OR4C11: variants seen among roughly 807,000 people sequenced by gnomAD.
OR4C11 encodes the protein olfactory receptor family 4 subfamily C member 11.
A neutral mutation model predicts 14.7 loss-of-function variants in OR4C11; 15 were observed. The ratio of observed to expected loss-of-function variants is 1.02; its 90% CI spans 0.68 to 1.58. OR4C11 has a LOEUF of 1.58. OR4C11 is among the 40% of genes most tolerant of loss of function. The pLI, the probability that OR4C11 is intolerant of heterozygous loss-of-function variation, is 0.00. For missense variants in OR4C11, 473 were observed against 383.0 expected (o/e 1.24, Z -1.96); for synonymous variants, 146 against 135.0 (o/e 1.08, Z -0.57).
In OR4C11 at chr11:55,602,653, G is replaced by A. The variant is rs1857898265; in HGVS notation, c.*788C>T. 7.2e-6 allele frequency: 1 copy of A among 138,378 alleles called. No individual in the cohort carries two copies. Among genetic ancestry groups the A allele is most frequent in the Non-Finnish European group, 1.6e-5 (1 of 62,170 alleles). 8.6% of individuals were successfully genotyped at this position (138,378 alleles called of 1,614,324 possible). On this transcript the variant is annotated 3_prime_UTR_variant, in exon 4 of 4. Transcript: ENST00000641580. ...CTGTGATAATTTTATTTATTTCATT[G>A]ACATCACCCAACTTTAAACACAATA...
Position 55,604,124 on chromosome 11 carries a change from G to A in OR4C11, c.250C>T (p.Leu84Phe), listed in dbSNP as rs570575344. Residue 84 changes from leucine to phenylalanine, a missense_variant, in exon 4 of 4, where the codon CTC becomes TTC. Leu to Phe is a conservative substitution (Grantham distance 22). Coordinates refer to ENST00000641580, the MANE Select transcript of OR4C11 (RefSeq NM_001004700.3). ...TAGGTTATAATTTTCTTTTCAGAGA[G>A]AGCATCCACAATTAATCTAGGGGCT... is the stretch of plus-strand genomic sequence containing the variant. Reference protein sequence around the residue: ...STAPRLIVDALSEKKIITYNE... With the variant: ...STAPRLIVDAFSEKKIITYNE... 5 of 1,474,938 alleles carry A rather than the reference G, an allele frequency of 3.4e-6. 1 individual carries two copies. Among genetic ancestry groups the A allele is most frequent in the African/African-American group, 2.8e-5 (2 of 72,704 alleles). 91.4% of individuals were successfully genotyped at this position (1,474,938 alleles called of 1,614,324 possible). A position where few individuals can be genotyped will look rare whatever the true frequency, so the allele number is the denominator to read the frequency against.
rs918067378 is a variant in OR4C11 at position 55,603,333 on chromosome 11, C to T, written c.*108G>A. 4.2e-5 allele frequency: 24 copies of T among 574,962 alleles called. 6 individuals carry two copies. The highest frequency in any genetic ancestry group is 7.9e-5 in the Admixed American group (2 of 25,280). 35.6% of individuals were successfully genotyped at this position (574,962 alleles called of 1,614,324 possible). A position where few individuals can be genotyped will look rare whatever the true frequency, so the allele number is the denominator to read the frequency against. Reference sequence around the variant, plus strand: ...ACATAGGAACCCACAAACTTAGATACGATGATATATTATTCCCACAGCATT... The same window carrying T: ...ACATAGGAACCCACAAACTTAGATATGATGATATATTATTCCCACAGCATT... On this transcript the variant is annotated 3_prime_UTR_variant, in exon 4 of 4. Coordinates refer to ENST00000641580, the MANE Select transcript of OR4C11 (RefSeq NM_001004700.3).
chr11:55,603,189 G>A lies in OR4C11; in HGVS notation c.*252C>T. 3.2e-6 allele frequency: 1 copy of A among 309,172 alleles called. No homozygotes were observed. Among genetic ancestry groups the A allele is most frequent in the Non-Finnish European group, 5.8e-6 (1 of 172,014 alleles). The allele number at this position is 309,172 out of a possible 1,614,324, so 19.2% of individuals were successfully genotyped here. A position where few individuals can be genotyped will look rare whatever the true frequency, so the allele number is the denominator to read the frequency against. On this transcript the variant is annotated 3_prime_UTR_variant, in exon 4 of 4. Coordinates refer to ENST00000641580, the MANE Select transcript of OR4C11 (RefSeq NM_001004700.3). ...ACTTTAGAAAATGCATGGCTGGAAA[G>A]GAAGATAATCTGAAAAGAAAAGACT... is the stretch of plus-strand genomic sequence containing the variant.
rs147652096 is a variant in OR4C11 at position 55,604,521 on chromosome 11, AT to A, written c.-44-105del. The A allele has an allele frequency of 8.2e-3, 3,298 of 400,668 alleles. 404 individuals carry two copies. Among genetic ancestry groups the A allele is most frequent in the African/African-American group, 0.058 (2,828 of 48,374 alleles). The allele number at this position is 400,668 out of a possible 1,614,324, so 24.8% of individuals were successfully genotyped here. On this transcript the variant is annotated intron_variant, in intron 3 of 3. Coordinates refer to ENST00000641580, the MANE Select transcript of OR4C11 (RefSeq NM_001004700.3). The stretch of plus-strand genomic sequence containing the variant: ...TGGCTTATTATTGACAATTCTTTGT[AT>A]TTTTTTCTGAGTGAAATGGAATTCA...
rs76958090 is a variant in OR4C11 at position 55,603,665 on chromosome 11, C to T, written c.709G>A (p.Ala237Thr). Residue 237 changes from alanine to threonine, a missense_variant, in exon 4 of 4, where the codon GCT becomes ACT. Coordinates refer to ENST00000641580, the MANE Select transcript of OR4C11 (RefSeq NM_001004700.3). ...SAKGKKKALSACTSHIIVVIL... is the reference protein window; with the variant it reads ...SAKGKKKALSTCTSHIIVVIL... ...ACTACAATTATGTGAGACGTGCAAGCGGAGAGAGCCTTTTTCTTCCCTTTG... is the reference window on the plus strand; with the variant it reads ...ACTACAATTATGTGAGACGTGCAAGTGGAGAGAGCCTTTTTCTTCCCTTTG... 4.6e-4 allele frequency: 685 copies of T among 1,478,920 alleles called. 79 individuals carry two copies. In the African/African-American group the frequency reaches 7.8e-3, roughly 17 times the overall value. 91.6% of individuals were successfully genotyped at this position (1,478,920 alleles called of 1,614,324 possible).
chr11:55,603,624 G>A lies in OR4C11; in HGVS notation c.750C>T (p.Gly250=), dbSNP rs1355144819. 2.0e-6 allele frequency: 3 copies of A among 1,486,164 alleles called. No individual in the cohort carries two copies. The highest frequency in any genetic ancestry group is 2.0e-5 in the Admixed American group (1 of 49,824). The allele number at this position is 1,486,164 out of a possible 1,614,324, so 92.1% of individuals were successfully genotyped here. A position where few individuals can be genotyped will look rare whatever the true frequency, so the allele number is the denominator to read the frequency against. The change falls in exon 4 of 4, where the codon GGC becomes GGT. Residue 250 remains glycine (G), a synonymous_variant. Coordinates refer to ENST00000641580, the MANE Select transcript of OR4C11 (RefSeq NM_001004700.3). ...SHIIVVILFF[G]PCIFIYTRPP... is the part of the protein sequence containing the mutation. Reference sequence around the variant, plus strand: ...GGCGTGTATATATGAATATACATGGGCCAAAGAATAAGATGACTACAATTA... The same window carrying A: ...GGCGTGTATATATGAATATACATGGACCAAAGAATAAGATGACTACAATTA...
At chr11:55,606,821 A>T (rs944986004) in intron 1 of OR4C11, 142 bp from the exon 2 acceptor site, 3 of 138,802 alleles carry the variant, frequency 2.2e-5, no homozygotes, top group African/African-American at 7.5e-5. Flanking sequence ...AAAGACACAC[A>T]CACATGCATG....
At position 55,602,667 on chromosome 11, in the gene OR4C11, T is replaced by A. The variant is rs1344367214; in HGVS notation, c.*774A>T. 1 of 138,672 alleles carries A rather than the reference T, an allele frequency of 7.2e-6. No homozygotes were observed. Among genetic ancestry groups the A allele is most frequent in the Non-Finnish European group, 1.6e-5 (1 of 62,224 alleles). The allele number at this position is 138,672 out of a possible 1,614,324, so 8.6% of individuals were successfully genotyped here. On this transcript the variant is annotated 3_prime_UTR_variant, in exon 4 of 4. Coordinates refer to ENST00000641580, the MANE Select transcript of OR4C11 (RefSeq NM_001004700.3). ...TTTATTTCATTGACATCACCCAACTTTAAACACAATAGATCATACCATTTT... is the reference window on the plus strand; with the variant it reads ...TTTATTTCATTGACATCACCCAACTATAAACACAATAGATCATACCATTTT...
In OR4C11 at chr11:55,604,187, A is replaced by G. The variant is rs1358576176; in HGVS notation, c.187T>C (p.Tyr63His). ...AAGCAAGAATCTGCAAAGGACAAAT[A>G]AAATAGAAAGAAGTACATGGGGCTT... ...LGSPMYFFLF[Y>H]LSFADSCFST... Residue 63 changes from tyrosine to histidine, a missense_variant, in exon 4 of 4, where the codon TAT (tyrosine) becomes CAT (histidine). Coordinates refer to ENST00000641580, the MANE Select transcript of OR4C11 (RefSeq NM_001004700.3). The G allele has an allele frequency of 6.8e-7, 1 of 1,479,072 alleles. No homozygotes were observed. 91.6% of individuals were successfully genotyped at this position (1,479,072 alleles called of 1,614,324 possible).
Position 55,605,287 on chromosome 11 carries a change from G to A in OR4C11, c.-206C>T, listed in dbSNP as rs1167089867. On this transcript the variant is annotated splice_region_variant and 5_prime_UTR_variant, in exon 3 of 4. Transcript: ENST00000641580. ...TCTTAAGAGACAAGTAGACACTGAG[G>A]CTAAAATGAGGAAAAAAGTGGAAGA... The A allele has an allele frequency of 7.3e-6, 1 of 137,734 alleles. No individual in the cohort carries two copies. Among genetic ancestry groups the A allele is most frequent in the African/African-American group, 2.5e-5 (1 of 39,736 alleles). The allele number at this position is 137,734 out of a possible 1,614,324, so 8.5% of individuals were successfully genotyped here. A position where few individuals can be genotyped will look rare whatever the true frequency, so the allele number is the denominator to read the frequency against.
intron 2 of OR4C11, among the ~76,000 whole-genome samples, chr11:55,606,224 A>T (rs1186349049): frequency 7.2e-6 from 1 of 138,006 alleles, no homozygotes; most frequent in Non-Finnish European, 1.6e-5. Flanking sequence ...ACACACACAC[A>T]CACAAAATTG....
intron 2 of OR4C11, among the ~76,000 whole-genome samples, chr11:55,605,602 G>A (rs1467065103): frequency 7.2e-6 from 1 of 138,318 alleles, no homozygotes; most frequent in Admixed American, 7.9e-5. Flanking sequence ...AAAGGGAAGT[G>A]TCAATATGAT....
In OR4C11 at chr11:55,603,766, G is replaced by T. The variant is rs768210066; in HGVS notation, c.608C>A (p.Ala203Glu). The T allele has an allele frequency of 2.0e-6, 3 of 1,489,012 alleles. 1 individual carries two copies. Among genetic ancestry groups the T allele is most frequent in the Admixed American group, 4.0e-5 (2 of 49,884 alleles). 92.2% of individuals were successfully genotyped at this position (1,489,012 alleles called of 1,614,324 possible). ...AATCATGAAACTACTTGAGCAAATT[G>T]CCCCACTGTTAGACACCAACAGCAG... ...INLLLVSNSG[A>E]ICSSSFMILI... Residue 203 changes from alanine (A) to glutamate (E), a missense_variant, in exon 4 of 4, where the codon GCA becomes GAA. Transcript: ENST00000641580.
In OR4C11 at chr11:55,607,356, T is replaced by C. The variant is rs1454691931; in HGVS notation, c.-434A>G. On this transcript the variant is annotated 5_prime_UTR_variant, in exon 1 of 4. Coordinates refer to ENST00000641580, the MANE Select transcript of OR4C11 (RefSeq NM_001004700.3). ...ATTTCCATCTTTTCACTTTAGATTGTAAAGCACTTCTAGAAAAGTCCTTGA... is the reference window on the plus strand; with the variant it reads ...ATTTCCATCTTTTCACTTTAGATTGCAAAGCACTTCTAGAAAAGTCCTTGA... 1.4e-5 allele frequency: 2 copies of C among 138,144 alleles called. No individual in the cohort carries two copies. Among genetic ancestry groups the C allele is most frequent in the Non-Finnish European group, 3.2e-5 (2 of 62,290 alleles). 8.6% of individuals were successfully genotyped at this position (138,144 alleles called of 1,614,324 possible).
intron 3 of OR4C11, among the ~76,000 whole-genome samples, 166 bp from the exon 4 acceptor site, chr11:55,604,583 A>G (rs1330578872): frequency 1.4e-5 from 2 of 138,438 alleles, no homozygotes; most frequent in Admixed American, 7.9e-5. Flanking sequence ...AAATATTATT[A>G]TTATTATTTT....
In OR4C11 at chr11:55,603,572, T is replaced by C; in HGVS notation, c.802A>G (p.Met268Val). 14 of 1,475,356 alleles carry C rather than the reference T, an allele frequency of 9.5e-6. 2 individuals carry two copies. Among genetic ancestry groups the C allele is most frequent in the Non-Finnish European group, 1.3e-5 (14 of 1,081,900 alleles). The allele number at this position is 1,475,356 out of a possible 1,614,324, so 91.4% of individuals were successfully genotyped here. Residue 268 changes from methionine (M) to valine (V), a missense_variant, in exon 4 of 4, where the codon ATG (methionine) becomes GTG (valine). Met to Val is a conservative substitution (Grantham distance 21). Transcript: ENST00000641580. ...RPPTTFPMDK[M>V]VAVFYTIGTP... ...CCAATAGTATAAAATACTGCCACCA[T>C]CTTGTCCATGGGGAAAGTGGTCGGG...
rs1857909538 is a variant in OR4C11 at position 55,603,419 on chromosome 11, G to A, written c.*22C>T. The A allele has an allele frequency of 6.0e-6, 7 of 1,160,634 alleles. 1 individual carries two copies. The highest frequency in any genetic ancestry group is 7.2e-6 in the Non-Finnish European group (6 of 833,314). 71.9% of individuals were successfully genotyped at this position (1,160,634 alleles called of 1,614,324 possible). On this transcript the variant is annotated 3_prime_UTR_variant, in exon 4 of 4. Transcript: ENST00000641580. ...GTTAAATCATGATTTGACTGAAAAAGTAATCAGGTCAGGCCCTCAATTTAT... is the reference window on the plus strand; with the variant it reads ...GTTAAATCATGATTTGACTGAAAAAATAATCAGGTCAGGCCCTCAATTTAT...
rs1857945253 is a variant in OR4C11 at position 55,605,263 on chromosome 11, C to T, written c.-182G>A. Reference sequence around the variant, plus strand: ...TTTTCTGGGTTCTTCATAAAGTTTTCTTAAGAGACAAGTAGACACTGAGGC... The same window carrying T: ...TTTTCTGGGTTCTTCATAAAGTTTTTTTAAGAGACAAGTAGACACTGAGGC... On this transcript the variant is annotated 5_prime_UTR_variant, in exon 3 of 4. Coordinates refer to ENST00000641580, the MANE Select transcript of OR4C11 (RefSeq NM_001004700.3). 1 of 137,734 alleles carries T rather than the reference C, an allele frequency of 7.3e-6. No homozygotes were observed. The highest frequency in any genetic ancestry group is 1.6e-5 in the Non-Finnish European group (1 of 62,106). The allele number at this position is 137,734 out of a possible 1,614,324, so 8.5% of individuals were successfully genotyped here. A position where few individuals can be genotyped will look rare whatever the true frequency, so the allele number is the denominator to read the frequency against.
rs772662322 is a variant in OR4C11, at chr11:55,604,423, A to G, written c.-44-6T>C. ...ACAGATTAGAACTAGTTAATCTGCA[A>G]AAGAAAAAAAGAAATAGATTCTAAA... On this transcript the variant is annotated splice_region_variant and splice_polypyrimidine_tract_variant and intron_variant, in intron 3 of 3. Coordinates refer to ENST00000641580, the MANE Select transcript of OR4C11 (RefSeq NM_001004700.3). 7 of 744,452 alleles carry G rather than the reference A, an allele frequency of 9.4e-6. No homozygotes were observed. Among genetic ancestry groups the G allele is most frequent in the Non-Finnish European group, 1.4e-5 (7 of 488,664 alleles). 46.1% of individuals were successfully genotyped at this position (744,452 alleles called of 1,614,324 possible).
Sources: gnomAD v4.1 joint callset for allele counts (sites outside exome capture counted in the v4.1 genomes callset) on GRCh38, gnomAD v4.1.1 for gene constraint, MANE v1.5 for transcripts, NCBI Gene and HGNC (gene_info 2026-07-23, HGNC 2026-07-21) for gene names.